Variants in KIF4A observed in about 807,000 individuals in gnomAD.
The protein encoded by KIF4A is chromosome-associated kinesin KIF4A.
A neutral mutation model predicts 105.9 loss-of-function variants in KIF4A; 7 were observed. The ratio of observed to expected loss-of-function variants is 0.07; its 90% CI spans 0.04 to 0.12. KIF4A has a LOEUF of 0.12. Ranked by LOEUF, KIF4A falls within the 10% of genes least tolerant of loss-of-function variation. The pLI is 1.00. For synonymous variants in KIF4A, 281 were observed against 331.3 expected (o/e 0.85, Z 1.65); for missense variants, 558 against 929.2 (o/e 0.60, Z 5.19).
At chrX:70,337,120 G>T (rs1262566207) in intron 10 of KIF4A, among the ~76,000 whole-genome samples, 1 of 112,032 alleles carries the variant, frequency 8.9e-6, no homozygotes, top group African/African-American at 3.2e-5. Context: ...TGTATTTTGT[G>T]TATCCATTCA....
rs1257453012 is a variant in KIF4A, at chrX:70,404,097, T to A, written c.2790+63T>A. 7.2e-6 allele frequency: 8 copies of A among 1,104,845 alleles called. No individual in the cohort carries two copies. The Admixed American group carries it at 1.3e-4, about 18-fold the overall frequency. 91.1% of individuals were successfully genotyped at this position (1,104,845 alleles called of 1,213,427 possible). A position where few individuals can be genotyped will look rare whatever the true frequency, so the allele number is the denominator to read the frequency against. The stretch of plus-strand genomic sequence containing the variant: ...TATCATTGCCTTGTATTGTTAGTTT[T>A]AAAAAAAAAGTGGGGATATGAAATT... On this transcript the variant is annotated intron_variant, in intron 24 of 30. Transcript: ENST00000374403.
intron 7 of KIF4A, among the ~76,000 whole-genome samples, chrX:70,322,404 C>T (rs760688383): frequency 2.4e-4 from 26 of 109,520 alleles, no homozygotes; most frequent in African/African-American, 8.3e-4. Flanking sequence ...CTCTGCCTCC[C>T]GGGTTCACAC....
At chrX:70,401,347 G>A (rs1351756634) in intron 22 of KIF4A, among the ~76,000 whole-genome samples, 4 of 109,493 alleles carry the variant, frequency 3.7e-5, no homozygotes, top group East Asian at 2.9e-4. Context: ...CAAAGTGCTG[G>A]GATTGCAGGC....
intron 10 of KIF4A, among the ~76,000 whole-genome samples, chrX:70,341,273 T>G (rs1253962591): frequency 8.9e-6 from 1 of 111,875 alleles, no homozygotes; most frequent in African/African-American, 3.2e-5. Context: ...ACTTTTTGAC[T>G]TCTCAAATGC....
intron 13 of KIF4A, among the ~76,000 whole-genome samples, chrX:70,352,029 G>A (rs2086033044): frequency 8.9e-6 from 1 of 111,946 alleles, no homozygotes. Context: ...AAAGCGCTGG[G>A]ATTACAGGCA....
chrX:70,411,950 ATGCTGGTGGGTTGCCAGCAGTTG>A (rs942709750), intron 28 of KIF4A, among the ~76,000 whole-genome samples: 5 of 110,536 alleles, frequency 4.5e-5, no homozygotes, highest in South Asian at 3.9e-4. Flanking sequence ...GTGCTGGGAC[ATGCTGGTGGGTTGCCAGCAGTTG>A]TGATACACAC....
intron 10 of KIF4A, 91 bp from the exon 11 acceptor site, chrX:70,341,708 C>T: frequency 2.1e-6 from 2 of 962,622 alleles, no homozygotes; most frequent in South Asian, 5.5e-5. Flanking sequence ...CCCTACCTAT[C>T]CAAAAGGCCT....
chrX:70,333,801 A>G, intron 10 of KIF4A, 112 bp downstream of exon 10: 1 of 515,032 alleles, frequency 1.9e-6, no homozygotes, highest in Non-Finnish European at 3.3e-6. Context: ...GGATCTTACC[A>G]ATTTTGCTGA....
chrX:70,329,870 C>G (rs1177740164), intron 8 of KIF4A, among the ~76,000 whole-genome samples: 1 of 111,500 alleles, frequency 9.0e-6, no homozygotes, highest in Non-Finnish European at 1.9e-5. Context: ...TTTAATTCCA[C>G]TAGTGGCTCC....
intron 15 of KIF4A, among the ~76,000 whole-genome samples, chrX:70,363,610 A>T (rs2086087236): frequency 8.9e-6 from 1 of 111,992 alleles, no homozygotes; most frequent in African/African-American, 3.2e-5. Context: ...CATGCTGTAT[A>T]TGTGCCACAT....
In KIF4A at chrX:70,387,313, A is replaced by G. The variant is rs1344987066; in HGVS notation, c.2232+16A>G. ...TCGAGTGAAGGTATGAACAACTTGAACTGCCATTTCTCTTGTGGACACTGG... is the reference window on the plus strand; with the variant it reads ...TCGAGTGAAGGTATGAACAACTTGAGCTGCCATTTCTCTTGTGGACACTGG... On this transcript the variant is annotated intron_variant, in intron 20 of 30. Transcript: ENST00000374403. 9.0e-7 allele frequency: 1 copy of G among 1,105,087 alleles called. No individual in the cohort carries two copies. Among genetic ancestry groups the G allele is most frequent in the South Asian group, 2.1e-5 (1 of 48,728 alleles). The allele number at this position is 1,105,087 out of a possible 1,213,427, so 91.1% of individuals were successfully genotyped here. A position where few individuals can be genotyped will look rare whatever the true frequency, so the allele number is the denominator to read the frequency against.
intron 15 of KIF4A, among the ~76,000 whole-genome samples, chrX:70,371,600 G>C (rs1333752669): frequency 1.9e-5 from 2 of 105,551 alleles, no homozygotes; most frequent in Non-Finnish European, 3.9e-5. Flanking sequence ...TGGCCGGGCG[G>C]GGGGCTGACC....
chrX:70,334,477 A>T (rs1478898140), intron 10 of KIF4A, among the ~76,000 whole-genome samples: 1 of 112,389 alleles, frequency 8.9e-6, no homozygotes, highest in African/African-American at 3.2e-5. Flanking sequence ...AACAGTAAGA[A>T]ACCCAGCTCT....
rs974950499 is a variant in KIF4A, at chrX:70,294,112, T to TA, written c.236-2879dup. 2.7e-5 allele frequency among the ~76,000 whole-genome samples: 3 copies of TA among 112,427 alleles called. No individual in the cohort carries two copies. The Admixed American group carries it at 2.8e-4, about 11-fold the overall frequency. ...TTTATTCTGTAAGCTTTTTTCTTTT[T>TA]AAAAAAATATATTTTTTTACTTTTT... is the stretch of plus-strand genomic sequence containing the variant. On this transcript the variant is annotated intron_variant, in intron 3 of 30. Transcript: ENST00000374403.
chrX:70,306,832 T>G (rs1173542058), intron 7 of KIF4A, among the ~76,000 whole-genome samples: 1 of 108,565 alleles, frequency 9.2e-6, no homozygotes, highest in Non-Finnish European at 1.9e-5. Context: ...TGAGCCACCG[T>G]GCCCGGCCTC....
intron 8 of KIF4A, 58 bp downstream of exon 8, chrX:70,329,579 A>G: frequency 1.0e-6 from 1 of 962,587 alleles, no homozygotes; most frequent in South Asian, 2.1e-5. Context: ...GTGCTGAGAC[A>G]GCAAAGATGA....
chrX:70,401,816 C>T (rs935381739), intron 22 of KIF4A, among the ~76,000 whole-genome samples: 1 of 111,922 alleles, frequency 8.9e-6, no homozygotes, highest in Non-Finnish European at 1.9e-5. Flanking sequence ...GGTCCTGAAA[C>T]CCCAAAATTT....
intron 7 of KIF4A, among the ~76,000 whole-genome samples, chrX:70,308,174 C>T (rs780334400): frequency 4.5e-5 from 5 of 112,302 alleles, no homozygotes; most frequent in African/African-American, 1.3e-4. Flanking sequence ...GTGGATACCT[C>T]ATTTCCCAGA....
chrX:70,295,778 G>A (rs777160977), intron 3 of KIF4A, among the ~76,000 whole-genome samples: 193 of 108,076 alleles, frequency 1.8e-3, no homozygotes, highest in African/African-American at 5.9e-3. Context: ...TTAGCTGGGC[G>A]TGGTGGCACG....
Sources: gnomAD v4.1 joint callset for allele counts (sites outside exome capture counted in the v4.1 genomes callset) on GRCh38, gnomAD v4.1.1 for gene constraint, MANE v1.5 for transcripts, NCBI Gene and HGNC (gene_info 2026-07-23, HGNC 2026-07-21) for gene names.